TECRL: variants seen among roughly 807,000 people sequenced by gnomAD.
TECRL encodes trans-2,3-enoyl-CoA reductase-like.
In TECRL, 63 loss-of-function variants were observed where a neutral mutation model predicts 52.8. That is an observed-to-expected ratio of 1.19 (90% confidence interval 0.97 to 1.47). The LOEUF (loss-of-function observed/expected upper bound fraction) is 1.47. Ranked by LOEUF, TECRL falls within the 40% of genes most tolerant of loss-of-function variation. The probability of loss-of-function intolerance (pLI) is 0.00; values close to 1 mark genes in which losing one functional copy is unlikely to be tolerated. For synonymous variants in TECRL, 164 were observed against 141.9 expected (o/e 1.16, Z -1.10); for missense variants, 482 against 429.6 (o/e 1.12, Z -1.08).
chr4:64,311,154 G>A (rs111795728), intron 5 of TECRL, among the ~76,000 whole-genome samples: 3,531 of 152,314 alleles, frequency 0.023, 61 homozygotes, highest in Middle Eastern at 0.041. Flanking sequence ...TCTGGTACGA[G>A]TAGGGTGACT....
At chr4:64,317,721 A>T (rs1352985742) in intron 4 of TECRL, among the ~76,000 whole-genome samples, 1 of 152,222 alleles carries the variant, frequency 6.6e-6, no homozygotes, top group Non-Finnish European at 1.5e-5. Context: ...TATATAATTC[A>T]AACACAGAAT....
Position 64,278,155 on chromosome 4 carries a change from T to G in TECRL, c.*1917A>C, listed in dbSNP as rs1206093254. 3.3e-5 allele frequency: 5 copies of G among 151,588 alleles called. No homozygotes were observed. The highest frequency in any genetic ancestry group is 7.4e-5 in the Non-Finnish European group (5 of 67,708). 9.4% of individuals were successfully genotyped at this position (151,588 alleles called of 1,614,324 possible). The stretch of plus-strand genomic sequence containing the variant: ...ATATAATTTACATACAAATATAATC[T>G]ATATATTTCAAAATATATATTTAGA... On this transcript the variant is annotated 3_prime_UTR_variant, in exon 12 of 12. Coordinates refer to ENST00000381210, the MANE Select transcript of TECRL (RefSeq NM_001010874.5).
chr4:64,277,154 A>G, downstream of TECRL: 1 of 772,104 alleles, frequency 1.3e-6, no homozygotes, highest in Non-Finnish European at 2.0e-6. Context: ...ACTGATACAA[A>G]AAAAGTATGA....
intron 2 of TECRL, among the ~76,000 whole-genome samples, chr4:64,359,247 A>G (rs903969563): frequency 2.0e-5 from 3 of 151,850 alleles, no homozygotes; most frequent in African/African-American, 4.8e-5. Flanking sequence ...TATAGTAACA[A>G]TATTTTTATT....
At chr4:64,281,940 T>G (rs1722849347) in intron 9 of TECRL, among the ~76,000 whole-genome samples, 1 of 151,900 alleles carries the variant, frequency 6.6e-6, no homozygotes, top group African/African-American at 2.4e-5. Context: ...CACATTCCCC[T>G]TTACTATCAA....
chr4:64,362,128 A>T (rs544066421), intron 2 of TECRL, among the ~76,000 whole-genome samples: 1 of 152,272 alleles, frequency 6.6e-6, no homozygotes, highest in Non-Finnish European at 1.5e-5. Context: ...TGCTCATTTA[A>T]ATCAACACAG....
intron 2 of TECRL, among the ~76,000 whole-genome samples, chr4:64,362,473 T>A (rs6843068): frequency 0.9 from 136,409 of 151,770 alleles, 61,955 homozygotes; most frequent in East Asian, 1. Flanking sequence ...CAGGTCACAT[T>A]GAAAGATAAC....
intron 2 of TECRL, among the ~76,000 whole-genome samples, chr4:64,345,265 G>A (rs550259226): frequency 7.2e-5 from 11 of 152,014 alleles, no homozygotes; most frequent in South Asian, 4.2e-4. Flanking sequence ...TGTTTATTGC[G>A]GCACTATTCA....
intron 1 of TECRL, among the ~76,000 whole-genome samples, chr4:64,402,651 T>C (rs901415389): frequency 3.3e-5 from 5 of 151,958 alleles, no homozygotes; most frequent in African/African-American, 9.7e-5. Context: ...ACTCAAGAAA[T>C]AAAAATTACA....
chr4:64,383,885 G>A (rs1265849388), intron 1 of TECRL, among the ~76,000 whole-genome samples: 1 of 151,500 alleles, frequency 6.6e-6, no homozygotes, highest in East Asian at 2.0e-4. Context: ...GGCTTTCATG[G>A]CAAAAATTTT....
intron 1 of TECRL, 21 bp downstream of exon 1, chr4:64,409,097 T>C (rs764668963): frequency 2.9e-5 from 44 of 1,515,178 alleles, no homozygotes; most frequent in Admixed American, 5.9e-5. Context: ...AACAAACAAA[T>C]AAATAAATAA....
At chr4:64,408,656 A>T (rs758486383) in intron 1 of TECRL, among the ~76,000 whole-genome samples, 1 of 152,080 alleles carries the variant, frequency 6.6e-6, no homozygotes, top group African/African-American at 2.4e-5. Flanking sequence ...TGCTTAAATG[A>T]TTAAATTTTT....
In TECRL at chr4:64,322,745, A is replaced by C; in HGVS notation, c.379T>G (p.Ser127Ala). The C allele has an allele frequency of 6.2e-7, 1 of 1,612,562 alleles. No homozygotes were observed. Among genetic ancestry groups the C allele is most frequent in the Non-Finnish European group, 8.5e-7 (1 of 1,179,194 alleles). The change falls in exon 4 of 12, where the codon TCC (serine) becomes GCC (alanine). Residue 127 changes from serine (S) to alanine (A), a missense_variant. By Grantham distance (99) the Ser-to-Ala change is moderately conservative. Coordinates refer to ENST00000381210, the MANE Select transcript of TECRL (RefSeq NM_001010874.5). ...DYITIQSIAA[S>A]SIVTLYATDL... ...GTAGCATACAGTGTGACAATGGAGG[A>C]AGCTGCAATACTTTGAATGGTAATG... is the stretch of plus-strand genomic sequence containing the variant.
intron 2 of TECRL, among the ~76,000 whole-genome samples, chr4:64,349,007 T>G (rs9312129): frequency 0.68 from 101,789 of 149,396 alleles, 35,521 homozygotes; most frequent in Non-Finnish European, 0.76. Context: ...AAACAAAATT[T>G]CAAAACTCCA....
chr4:64,330,880 T>C (rs1718590889), intron 2 of TECRL, among the ~76,000 whole-genome samples: 1 of 152,112 alleles, frequency 6.6e-6, no homozygotes, highest in Non-Finnish European at 1.5e-5. Context: ...ATCCTAAAGA[T>C]GAACATATTT....
chr4:64,382,833 G>A (rs371282536), intron 1 of TECRL, among the ~76,000 whole-genome samples: 2 of 151,826 alleles, frequency 1.3e-5, no homozygotes, highest in African/African-American at 4.8e-5. Flanking sequence ...TTCTGTAGCG[G>A]TAACATTTGA....
At chr4:64,309,439 C>T (rs1442358053) in intron 6 of TECRL, among the ~76,000 whole-genome samples, 1 of 152,082 alleles carries the variant, frequency 6.6e-6, no homozygotes, top group Non-Finnish European at 1.5e-5. Flanking sequence ...ATCATATTGA[C>T]AACTGCCATA....
chr4:64,393,441 A>G (rs934548921), intron 1 of TECRL, among the ~76,000 whole-genome samples: 1 of 152,052 alleles, frequency 6.6e-6, no homozygotes, highest in Non-Finnish European at 1.5e-5. Context: ...AGAATCTTGC[A>G]ATCACAGAGA....
chr4:64,366,325 G>A (rs1721595451), intron 2 of TECRL, among the ~76,000 whole-genome samples: 1 of 152,020 alleles, frequency 6.6e-6, no homozygotes, highest in Non-Finnish European at 1.5e-5. Flanking sequence ...GACAAGATAG[G>A]GTAATACCAT....
Sources: gnomAD v4.1 joint callset for allele counts (sites outside exome capture counted in the v4.1 genomes callset) on GRCh38, gnomAD v4.1.1 for gene constraint, MANE v1.5 for transcripts, NCBI Gene and HGNC (gene_info 2026-07-23, HGNC 2026-07-21) for gene names.